PCDHGA9: variants seen among roughly 807,000 people sequenced by gnomAD.
PCDHGA9 encodes the protein protocadherin gamma-A9.
A neutral mutation model predicts 62.5 loss-of-function variants in PCDHGA9; 37 were observed. That is an observed-to-expected ratio of 0.59 (90% CI 0.46 to 0.78). The LOEUF is 0.78. Ranked by LOEUF, PCDHGA9 falls within the 30% of genes least tolerant of loss-of-function variation. The pLI, the probability that PCDHGA9 is intolerant of heterozygous loss-of-function variation, is 0.00. For missense variants in PCDHGA9, 1,138 were observed against 1,166.2 expected (o/e 0.98, Z 0.35); for synonymous variants, 459 against 484.6 (o/e 0.95, Z 0.69).
At chr5:141,462,990 A>G (rs181384059) in intron 1 of PCDHGA9, among the ~76,000 whole-genome samples, 1 of 152,126 alleles carries the variant, frequency 6.6e-6, no homozygotes, top group Non-Finnish European at 1.5e-5. Flanking sequence ...GCCTTGGGCT[A>G]ATTTAGACCT....
intron 1 of PCDHGA9, chr5:141,428,464 G>A (rs904800167): frequency 1.1e-4 from 37 of 344,652 alleles, no homozygotes; most frequent in African/African-American, 6.3e-4. Context: ...CTACAATGAG[G>A]GAACTTTGCT....
At chr5:141,418,233 A>T in intron 1 of PCDHGA9, 1 of 1,614,048 alleles carries the variant, frequency 6.2e-7, no homozygotes, top group Non-Finnish European at 8.5e-7. Flanking sequence ...GTGATTGAGG[A>T]TGTTAATGAC....
chr5:141,425,478 G>A (rs2096877750), intron 1 of PCDHGA9, among the ~76,000 whole-genome samples: 1 of 152,148 alleles, frequency 6.6e-6, no homozygotes, highest in Admixed American at 6.5e-5. Flanking sequence ...AATTCCTATG[G>A]CAACCTACTA....
chr5:141,432,421 C>T lies in PCDHGA9; in HGVS notation c.2424+27045C>T, dbSNP rs771647620. 10 of 1,614,126 alleles carry T rather than the reference C, an allele frequency of 6.2e-6. No homozygotes were observed. In the African/African-American group the frequency reaches 1.2e-4, roughly 19 times the overall value. ...TGTCGTTGAGCCTGTTCGTGCTGGA[C>T]CAGAACGACAATGCGCCCGAGATCC... On this transcript the variant is annotated intron_variant, in intron 1 of 3. Transcript: ENST00000573521. This position sits in a 1 kb window ranked among gnomAD's most constrained non-coding sequence, Gnocchi z 6.0.
At chr5:141,478,570 G>T (rs1255499966) in intron 1 of PCDHGA9, 1 of 1,590,156 alleles carries the variant, frequency 6.3e-7, no homozygotes, top group Admixed American at 1.8e-5. Context: ...AGTCATGCTT[G>T]ACCCTGTTAG....
At chr5:141,419,938 G>A in intron 1 of PCDHGA9, 1 of 1,614,102 alleles carries the variant, frequency 6.2e-7, no homozygotes, top group Non-Finnish European at 8.5e-7. Context: ...TTTACCTGGT[G>A]GTGGCCTTGG....
At chr5:141,470,139 A>AT (rs146570937) in intron 1 of PCDHGA9, among the ~76,000 whole-genome samples, 7,047 of 152,316 alleles carry the variant, frequency 0.046, 200 homozygotes, top group Middle Eastern at 0.092. Flanking sequence ...AAAAAAAAAG[A>AT]TCATAGATCA....
At chr5:141,509,544 A>AT (rs1312201678) in intron 3 of PCDHGA9, among the ~76,000 whole-genome samples, 1 of 152,150 alleles carries the variant, frequency 6.6e-6, no homozygotes, top group Non-Finnish European at 1.5e-5. Context: ...GCACCATCTC[A>AT]TTTAGTCCTC....
intron 1 of PCDHGA9, among the ~76,000 whole-genome samples, chr5:141,434,245 T>G (rs921135977): frequency 3.3e-5 from 5 of 152,224 alleles, no homozygotes; most frequent in African/African-American, 1.2e-4. Context: ...CTAGATGACT[T>G]GGGCATTGTG....
intron 3 of PCDHGA9, among the ~76,000 whole-genome samples, chr5:141,507,803 G>GAC (rs2099863701): frequency 6.6e-6 from 1 of 152,228 alleles, no homozygotes; most frequent in Admixed American, 6.5e-5. Flanking sequence ...CCTGCGCCCT[G>GAC]GGGAACGGAC....
In PCDHGA9 at chr5:141,486,047, C is replaced by T. The variant is rs763394605; in HGVS notation, c.2425-8760C>T. Reference sequence around the variant, plus strand: ...TCATACCCCTGATCGTGTAAGAAACCTCTTTAGCCTGCACCCCACTACTGG... The same window carrying T: ...TCATACCCCTGATCGTGTAAGAAACTTCTTTAGCCTGCACCCCACTACTGG... On this transcript the variant is annotated intron_variant, in intron 1 of 3. Transcript: ENST00000573521. The surrounding 1 kb of genome is among the most constrained non-coding windows in gnomAD (Gnocchi z 5.0). 2.5e-6 allele frequency: 4 copies of T among 1,614,054 alleles called. No individual in the cohort carries two copies. The African/African-American group carries it at 5.3e-5, about 22-fold the overall frequency.
chr5:141,491,549 A>T lies in PCDHGA9; in HGVS notation c.2425-3258A>T, dbSNP rs748281587. 18 of 1,613,860 alleles carry T rather than the reference A, an allele frequency of 1.1e-5. No homozygotes were observed. In the East Asian group the frequency reaches 3.8e-4, roughly 34 times the overall value. On this transcript the variant is annotated intron_variant, in intron 1 of 3. Coordinates refer to ENST00000573521, the MANE Select transcript of PCDHGA9 (RefSeq NM_018921.3). This position sits in a 1 kb window ranked among gnomAD's most constrained non-coding sequence, Gnocchi z 6.9. Reference sequence around the variant, plus strand: ...GTGACGCTGCGGCCCACAGACTCGCAGAGCCACTGCTACAGGACGTGCTTT... The same window carrying T: ...GTGACGCTGCGGCCCACAGACTCGCTGAGCCACTGCTACAGGACGTGCTTT...
chr5:141,436,781 A>C (rs1041532929), intron 1 of PCDHGA9, among the ~76,000 whole-genome samples: 1 of 152,236 alleles, frequency 6.6e-6, no homozygotes, highest in Admixed American at 6.5e-5. Flanking sequence ...TGTGGATGGA[A>C]ATAAAACTGT....
intron 1 of PCDHGA9, among the ~76,000 whole-genome samples, chr5:141,437,922 G>A (rs1039507511): frequency 1.3e-5 from 2 of 152,106 alleles, no homozygotes; most frequent in Admixed American, 6.5e-5. Context: ...ATTTTTAGTA[G>A]AGATGGGGTT....
In PCDHGA9 at chr5:141,432,293, G is replaced by C. The variant is rs765631138; in HGVS notation, c.2424+26917G>C. Reference sequence around the variant, plus strand: ...CTACGTGTCCATCAACTCCGACACTGGGGTACTGTATGCGCTGAGCTCCTT... The same window carrying C: ...CTACGTGTCCATCAACTCCGACACTCGGGTACTGTATGCGCTGAGCTCCTT... On this transcript the variant is annotated intron_variant, in intron 1 of 3. Coordinates refer to ENST00000573521, the MANE Select transcript of PCDHGA9 (RefSeq NM_018921.3). This position sits in a 1 kb window ranked among gnomAD's most constrained non-coding sequence, Gnocchi z 6.0. 6.2e-7 allele frequency: 1 copy of C among 1,614,254 alleles called. No individual in the cohort carries two copies.
At chr5:141,423,977 G>A in intron 1 of PCDHGA9, 4 of 1,121,548 alleles carry the variant, frequency 3.6e-6, no homozygotes, top group Non-Finnish European at 4.4e-6. Context: ...ATCAGTGTAT[G>A]AGGCTCTCAA....
intron 1 of PCDHGA9, chr5:141,415,739 GGTTTTTTTTT>G: frequency 6.9e-6 from 3 of 434,948 alleles, no homozygotes; most frequent in Middle Eastern, 6.4e-4. Context: ...TGTTTATTAA[GGTTTTTTTTT>G]TTTTTTTTTT....
intron 1 of PCDHGA9, chr5:141,415,851 T>A: frequency 8.1e-7 from 1 of 1,228,614 alleles, no homozygotes; most frequent in Non-Finnish European, 1.1e-6. Flanking sequence ...TTGCAGAACC[T>A]TGTAGTTTAT....
intron 1 of PCDHGA9, chr5:141,430,546 G>A (rs1323295073): frequency 2.5e-6 from 1 of 402,156 alleles, no homozygotes; most frequent in Non-Finnish European, 4.4e-6. Context: ...GAGCGCCGCT[G>A]TTCACCAATC....
Sources: gnomAD v4.1 joint callset for allele counts (sites outside exome capture counted in the v4.1 genomes callset) on GRCh38, gnomAD v4.1.1 for gene constraint, Gnocchi (gnomAD v3.1) non-coding constraint, MANE v1.5 for transcripts, NCBI Gene and HGNC (gene_info 2026-07-23, HGNC 2026-07-21) for gene names.